Variants in JAM2 observed in about 807,000 individuals in gnomAD.
JAM2 encodes the protein junctional adhesion molecule B.
In JAM2, 17 loss-of-function variants were observed where a neutral mutation model predicts 42.0. That is an observed-to-expected ratio of 0.40 (90% CI 0.28 to 0.61). The LOEUF (loss-of-function observed/expected upper bound fraction) is 0.61, where lower values mean the gene tolerates loss of function less well. Ranked by LOEUF, JAM2 falls within the 20% of genes least tolerant of loss-of-function variation. The pLI, the probability that JAM2 is intolerant of heterozygous loss-of-function variation, is 0.37. For missense variants in JAM2, 319 were observed against 358.3 expected (o/e 0.89, Z 0.89); for synonymous variants, 118 against 128.6 (o/e 0.92, Z 0.56).
chr21:25,693,875 C>G lies in JAM2; in HGVS notation c.361C>G (p.Leu121Val). ...TGCCCCATCTGAGCAAGGCCAAAACCTGGAAGAGGATACAGTCACTCTGGA... is the reference window on the plus strand; with the variant it reads ...TGCCCCATCTGAGCAAGGCCAAAACGTGGAAGAGGATACAGTCACTCTGGA... ...VSAPSEQGQNLEEDTVTLEVL... is the reference protein window; with the variant it reads ...VSAPSEQGQNVEEDTVTLEVL... Residue 121 changes from leucine (L) to valine (V), a missense_variant, in exon 4 of 10, where the codon CTG (leucine) becomes GTG (valine). Transcript: ENST00000480456. 1 of 1,614,196 alleles carries G rather than the reference C, an allele frequency of 6.2e-7. No individual in the cohort carries two copies. Among genetic ancestry groups the G allele is most frequent in the Non-Finnish European group, 8.5e-7 (1 of 1,180,028 alleles).
intron 4 of JAM2, among the ~76,000 whole-genome samples, chr21:25,697,949 ACACTCT>A (rs1445561274): frequency 2.8e-5 from 4 of 142,260 alleles, no homozygotes; most frequent in African/African-American, 7.9e-5. Context: ...ACACACACAC[ACACTCT>A]CTCTCTCGCT....
chr21:25,689,204 G>A (rs943118850), intron 2 of JAM2, among the ~76,000 whole-genome samples: 3 of 152,286 alleles, frequency 2.0e-5, no homozygotes, highest in Admixed American at 6.5e-5. Context: ...CTGAGGCAAG[G>A]TTATATAGGC....
rs140593935 is a variant in JAM2 at position 25,664,331 on chromosome 21, G to T, written c.68-19552G>T. Among the ~76,000 whole-genome samples, 476 of 152,238 alleles carry T rather than the reference G, an allele frequency of 3.1e-3. 2 individuals carry two copies. The highest frequency in any genetic ancestry group is 4.7e-3 in the Non-Finnish European group (323 of 68,022). On this transcript the variant is annotated intron_variant, in intron 1 of 9. Transcript: ENST00000480456. ...GCTCACCACAACCTCCACTTCCTGAGTTCAAGTGATTGTCCTGCCTCAGCC... is the reference window on the plus strand; with the variant it reads ...GCTCACCACAACCTCCACTTCCTGATTTCAAGTGATTGTCCTGCCTCAGCC...
In JAM2 at chr21:25,716,735, G is replaced by A. The variant is rs2034487356; in HGVS notation, c.*2063G>A. Reference sequence around the variant, plus strand: ...AGGCACAGACAAGATTTGGCCCACAGGCATAGATTCCCAACTCATGGTGGT... The same window carrying A: ...AGGCACAGACAAGATTTGGCCCACAAGCATAGATTCCCAACTCATGGTGGT... On this transcript the variant is annotated 3_prime_UTR_variant, in exon 10 of 10. Coordinates refer to ENST00000480456, the MANE Select transcript of JAM2 (RefSeq NM_021219.4). 6.6e-6 allele frequency: 1 copy of A among 152,178 alleles called. No individual in the cohort carries two copies. Among genetic ancestry groups the A allele is most frequent in the Non-Finnish European group, 1.5e-5 (1 of 68,050 alleles). The allele number at this position is 152,178 out of a possible 1,614,324, so 9.4% of individuals were successfully genotyped here. A position where few individuals can be genotyped will look rare whatever the true frequency, so the allele number is the denominator to read the frequency against.
chr21:25,680,277 C>T (rs923253082), intron 1 of JAM2, among the ~76,000 whole-genome samples: 1 of 152,212 alleles, frequency 6.6e-6, no homozygotes, highest in Non-Finnish European at 1.5e-5. Flanking sequence ...GCAGAACATA[C>T]CCTATTTTTC....
rs1020870341 is a variant in JAM2, at chr21:25,715,031, C to G, written c.*359C>G. ...ACAGGTCATGAAAATATAAATCAGA[C>G]TCTGCACGAGAGTCTGATTTAGGGG... is the stretch of plus-strand genomic sequence containing the variant. On this transcript the variant is annotated 3_prime_UTR_variant, in exon 10 of 10. Coordinates refer to ENST00000480456, the MANE Select transcript of JAM2 (RefSeq NM_021219.4). 6.0e-6 allele frequency: 1 copy of G among 167,832 alleles called. No homozygotes were observed. Among genetic ancestry groups the G allele is most frequent in the East Asian group, 1.6e-4 (1 of 6,238 alleles). 10.4% of individuals were successfully genotyped at this position (167,832 alleles called of 1,614,324 possible). A position where few individuals can be genotyped will look rare whatever the true frequency, so the allele number is the denominator to read the frequency against.
intron 1 of JAM2, among the ~76,000 whole-genome samples, chr21:25,661,116 A>T (rs531297247): frequency 9.9e-5 from 15 of 152,052 alleles, no homozygotes; most frequent in African/African-American, 3.6e-4. Flanking sequence ...ATATTCCTGT[A>T]CTATTTGGAA....
intron 3 of JAM2, 41 bp downstream of exon 3, chr21:25,690,014 G>A (rs377258771): frequency 1.4e-4 from 169 of 1,201,322 alleles, no homozygotes; most frequent in Non-Finnish European, 2.0e-4. Context: ...GCAAGAGAAT[G>A]CCAAGTACAA....
At chr21:25,654,792 A>G (rs2032884382) in intron 1 of JAM2, among the ~76,000 whole-genome samples, 1 of 152,228 alleles carries the variant, frequency 6.6e-6, no homozygotes, top group South Asian at 2.1e-4. Flanking sequence ...TAGATGCACA[A>G]ATTAAATGAC....
intron 1 of JAM2, among the ~76,000 whole-genome samples, chr21:25,646,533 C>T (rs2032616648): frequency 6.6e-6 from 1 of 151,242 alleles, no homozygotes; most frequent in Admixed American, 6.6e-5. Flanking sequence ...CTTCTAAGTT[C>T]CAAAGTGTGT....
chr21:25,686,122 C>T (rs905444755), intron 2 of JAM2, among the ~76,000 whole-genome samples: 1 of 152,172 alleles, frequency 6.6e-6, no homozygotes, highest in Non-Finnish European at 1.5e-5. Context: ...AAAATGTTTT[C>T]ATCACTCCAA....
intron 7 of JAM2, among the ~76,000 whole-genome samples, chr21:25,706,546 G>A (rs2034274685): frequency 6.6e-6 from 1 of 152,146 alleles, no homozygotes; most frequent in South Asian, 2.1e-4. Context: ...TATAGAAAAT[G>A]TTCAGGATGA....
intron 1 of JAM2, among the ~76,000 whole-genome samples, chr21:25,653,042 G>A (rs1238491062): frequency 6.6e-6 from 1 of 152,174 alleles, no homozygotes; most frequent in Non-Finnish European, 1.5e-5. Context: ...CTAGGGAAAA[G>A]CAAAGGACAA....
intron 1 of JAM2, among the ~76,000 whole-genome samples, chr21:25,679,685 G>C (rs187487080): frequency 6.6e-6 from 1 of 152,324 alleles, no homozygotes; most frequent in Non-Finnish European, 1.5e-5. Context: ...TACTTTCCTA[G>C]ATCAGCCTCT....
intron 1 of JAM2, among the ~76,000 whole-genome samples, chr21:25,667,881 A>G: frequency 6.6e-6 from 1 of 152,246 alleles, no homozygotes; most frequent in East Asian, 1.9e-4. Flanking sequence ...TCAATTGTAT[A>G]TCGTTTGAAA....
intron 7 of JAM2, 151 bp from the exon 8 acceptor site, chr21:25,709,283 A>T: frequency 2.1e-6 from 1 of 465,192 alleles, no homozygotes; most frequent in Admixed American, 3.3e-5. Flanking sequence ...TTACCAAAAA[A>T]GTTTGCCAAC....
At position 25,714,702 on chromosome 21, in the gene JAM2, A is replaced by C. The variant is rs1403714939; in HGVS notation, c.*30A>C. ...TCCACTTTAGAGATACACCAAAGCCACCGTTGTTACACAAGTTATTAAACT... is the reference window on the plus strand; with the variant it reads ...TCCACTTTAGAGATACACCAAAGCCCCCGTTGTTACACAAGTTATTAAACT... On this transcript the variant is annotated 3_prime_UTR_variant, in exon 10 of 10. Transcript: ENST00000480456. 1.4e-6 allele frequency: 2 copies of C among 1,405,072 alleles called. No homozygotes were observed. 87.0% of individuals were successfully genotyped at this position (1,405,072 alleles called of 1,614,324 possible). A position where few individuals can be genotyped will look rare whatever the true frequency, so the allele number is the denominator to read the frequency against.
rs2034494991 is a variant in JAM2, at chr21:25,717,180, G to T, written c.*2508G>T. On this transcript the variant is annotated 3_prime_UTR_variant, in exon 10 of 10. Coordinates refer to ENST00000480456, the MANE Select transcript of JAM2 (RefSeq NM_021219.4). Reference sequence around the variant, plus strand: ...AAGAATGTTTTCCCCCACACAAAGGGCAGAGTATTGAGCACTAATTTCCTA... The same window carrying T: ...AAGAATGTTTTCCCCCACACAAAGGTCAGAGTATTGAGCACTAATTTCCTA... 1.3e-5 allele frequency: 2 copies of T among 152,730 alleles called. No individual in the cohort carries two copies. Among genetic ancestry groups the T allele is most frequent in the African/African-American group, 4.8e-5 (2 of 41,446 alleles). 9.5% of individuals were successfully genotyped at this position (152,730 alleles called of 1,614,324 possible). A position where few individuals can be genotyped will look rare whatever the true frequency, so the allele number is the denominator to read the frequency against.
intron 6 of JAM2, 84 bp downstream of exon 6, chr21:25,702,353 A>G (rs2034184699): frequency 5.6e-6 from 4 of 719,784 alleles, no homozygotes; most frequent in Non-Finnish European, 9.4e-6. Flanking sequence ...AGCAAGGAGC[A>G]GGAAATGTCT....
Sources: gnomAD v4.1 joint callset for allele counts (sites outside exome capture counted in the v4.1 genomes callset) on GRCh38, gnomAD v4.1.1 for gene constraint, MANE v1.5 for transcripts, NCBI Gene and HGNC (gene_info 2026-07-23, HGNC 2026-07-21) for gene names.